The following PDE7B variants were observed in gnomAD, a reference collection of about 807,000 sequenced individuals.
PDE7B encodes phosphodiesterase 7B, also known as 3',5'-cyclic-AMP phosphodiesterase 7B.
In PDE7B, 29 loss-of-function variants were observed where a neutral mutation model predicts 56.2. That is an observed-to-expected ratio of 0.52 (90% confidence interval 0.38 to 0.70). The LOEUF (loss-of-function observed/expected upper bound fraction) is 0.70, where lower values mean the gene tolerates loss of function less well. Among genes scored for constraint, PDE7B ranks in the 30% least tolerant of loss-of-function variants. PDE7B has a pLI of 0.00. For missense variants in PDE7B, 490 were observed against 565.0 expected (o/e 0.87, Z 1.35); for synonymous variants, 197 against 196.9 (o/e 1.00, Z 0.00).
At chr6:135,919,803 G>T (rs374548030) in intron 1 of PDE7B, among the ~76,000 whole-genome samples, 1 of 152,276 alleles carries the variant, frequency 6.6e-6, no homozygotes, top group African/African-American at 2.4e-5. Flanking sequence ...AAGGAGTTGC[G>T]AAAATTAAAG....
chr6:136,159,190 A>C (rs1778662519), intron 8 of PDE7B, among the ~76,000 whole-genome samples: 1 of 152,194 alleles, frequency 6.6e-6, no homozygotes, highest in African/African-American at 2.4e-5. Context: ...TGAATCACAA[A>C]CATGAAGTTG....
intron 2 of PDE7B, among the ~76,000 whole-genome samples, chr6:136,006,264 G>A (rs1440630371): frequency 2.7e-5 from 4 of 149,820 alleles, no homozygotes. Flanking sequence ...TAAATGACGA[G>A]TTAATGGGTG....
At chr6:135,940,779 A>T (rs1774494839) in intron 1 of PDE7B, among the ~76,000 whole-genome samples, 1 of 152,162 alleles carries the variant, frequency 6.6e-6, no homozygotes, top group African/African-American at 2.4e-5. Flanking sequence ...GGCAGTGCTT[A>T]CTGGTGTATA....
At chr6:135,938,412 A>G (rs563467995) in intron 1 of PDE7B, among the ~76,000 whole-genome samples, 2 of 152,208 alleles carry the variant, frequency 1.3e-5, no homozygotes, top group Admixed American at 1.3e-4. Context: ...GATTTGTGGC[A>G]TATGTATTTG....
intron 2 of PDE7B, among the ~76,000 whole-genome samples, chr6:136,008,711 T>C (rs1179442505): frequency 6.6e-6 from 1 of 152,174 alleles, no homozygotes; most frequent in Non-Finnish European, 1.5e-5. Flanking sequence ...TTTGTTGGAG[T>C]TCATTGTAGA....
chr6:136,187,011 T>C (rs753377251), intron 11 of PDE7B, 25 bp from the exon 12 acceptor site: 273 of 1,279,778 alleles, frequency 2.1e-4, no homozygotes, highest in Admixed American at 3.1e-4. Context: ...CCAATGTGTT[T>C]TTTTCTTTCT....
At chr6:136,003,435 C>T (rs1348775850) in intron 2 of PDE7B, among the ~76,000 whole-genome samples, 1 of 152,030 alleles carries the variant, frequency 6.6e-6, no homozygotes. Context: ...AAAGGATCAA[C>T]AAAATCAGTA....
At chr6:136,126,261 C>T (rs1379709870) in intron 3 of PDE7B, among the ~76,000 whole-genome samples, 2 of 152,102 alleles carry the variant, frequency 1.3e-5, no homozygotes, top group African/African-American at 4.8e-5. Flanking sequence ...TCATGTCCAC[C>T]ACTCCCTCCT....
chr6:135,912,469 C>T (rs1172781461), intron 1 of PDE7B, among the ~76,000 whole-genome samples: 2 of 152,054 alleles, frequency 1.3e-5, no homozygotes, highest in Non-Finnish European at 2.9e-5. Context: ...ATATTAGGGA[C>T]TTGAGCATCT....
At chr6:135,952,560 G>T (rs1023193317) in intron 2 of PDE7B, among the ~76,000 whole-genome samples, 1 of 152,088 alleles carries the variant, frequency 6.6e-6, no homozygotes, top group African/African-American at 2.4e-5. Context: ...ACACCAACTC[G>T]ACTGATAAAG....
At chr6:135,916,388 C>CT (rs1242651132) in intron 1 of PDE7B, among the ~76,000 whole-genome samples, 20 of 83,304 alleles carry the variant, frequency 2.4e-4, no homozygotes, top group Admixed American at 7.5e-4. Context: ...CTTTTCTTTT[C>CT]TTTCTTTTTT....
intron 2 of PDE7B, among the ~76,000 whole-genome samples, chr6:136,098,980 G>A (rs988856199): frequency 1.6e-5 from 2 of 128,026 alleles, no homozygotes; most frequent in African/African-American, 6.1e-5. Context: ...CTGTGTCCAT[G>A]TGTTCTCATC....
At chr6:135,983,277 A>G (rs572935914) in intron 2 of PDE7B, among the ~76,000 whole-genome samples, 1 of 152,292 alleles carries the variant, frequency 6.6e-6, no homozygotes, top group South Asian at 2.1e-4. Context: ...GTTCACCCCT[A>G]CCATGGGCTG....
intron 1 of PDE7B, among the ~76,000 whole-genome samples, chr6:135,938,741 C>T (rs752937656): frequency 1.3e-5 from 2 of 152,160 alleles, no homozygotes; most frequent in East Asian, 1.9e-4. Flanking sequence ...GCCTGCACCA[C>T]GCCATCTGAC....
rs1314988051 is a variant in PDE7B, at chr6:136,195,455, G to GGAAAAAAAAAAA, written c.*3615_*3616insGAAAAAAAAAAA. 2.9e-5 allele frequency: 2 copies of GGAAAAAAAAAAA among 68,966 alleles called. No individual in the cohort carries two copies. Among genetic ancestry groups the GGAAAAAAAAAAA allele is most frequent in the African/African-American group, 8.6e-5 (2 of 23,258 alleles). 4.3% of individuals were successfully genotyped at this position (68,966 alleles called of 1,614,324 possible). On this transcript the variant is annotated 3_prime_UTR_variant, in exon 13 of 13. Coordinates refer to ENST00000308191, the MANE Select transcript of PDE7B (RefSeq NM_018945.4). ...CATTTTGTATACACATGTGAGGTTTGAAAAAAAAAAAAAAAAAAAAAAGAA... is the reference window on the plus strand; with the variant it reads ...CATTTTGTATACACATGTGAGGTTTGGAAAAAAAAAAAAAAAAAAAAAAAAAAAAAAAAAGAA...
At chr6:136,151,043 A>AG in intron 5 of PDE7B, 117 bp from the exon 6 acceptor site, 1 of 570,612 alleles carries the variant, frequency 1.8e-6, no homozygotes, top group Non-Finnish European at 3.0e-6. Flanking sequence ...TCACTTCTAA[A>AG]GGGGAAAAAA....
intron 1 of PDE7B, among the ~76,000 whole-genome samples, chr6:135,920,313 C>T (rs1774048668): frequency 6.6e-6 from 1 of 152,120 alleles, no homozygotes; most frequent in South Asian, 2.1e-4. Flanking sequence ...AAATATTTAA[C>T]ACCTAGGTTG....
intron 3 of PDE7B, among the ~76,000 whole-genome samples, chr6:136,124,660 A>G (rs918858875): frequency 6.6e-6 from 1 of 152,208 alleles, no homozygotes; most frequent in African/African-American, 2.4e-5. Context: ...AAGGAAAAGG[A>G]CTTTATTTTG....
chr6:136,102,329 A>T (rs1042263969), intron 2 of PDE7B, among the ~76,000 whole-genome samples: 2 of 152,244 alleles, frequency 1.3e-5, no homozygotes, highest in African/African-American at 4.8e-5. Flanking sequence ...GTAACTAAGT[A>T]AGAACAATAG....
Sources: allele counts gnomAD v4.1 joint callset (sites outside exome capture counted in the v4.1 genomes callset), GRCh38; gene constraint gnomAD v4.1.1; transcripts MANE v1.5; gene names NCBI Gene and HGNC (gene_info 2026-07-23, HGNC 2026-07-21).